DTNB: variants seen among roughly 807,000 people sequenced by gnomAD.
DTNB encodes dystrobrevin beta.
DTNB carries 63 observed loss-of-function variants against 90.7 expected under a neutral mutation model. The observed-to-expected ratio is 0.69, with a 90% confidence interval of 0.57 to 0.86. The LOEUF is 0.86. Among genes scored for constraint, DTNB ranks in the 40% least tolerant of loss-of-function variants. DTNB has a pLI of 0.00. For synonymous variants in DTNB, 277 were observed against 286.7 expected (o/e 0.97, Z 0.34); for missense variants, 744 against 807.1 (o/e 0.92, Z 0.95).
Position 25,635,254 on chromosome 2 carries a change from G to A in DTNB, c.148+3760C>T, listed in dbSNP as rs989660417. 4.6e-5 allele frequency among the ~76,000 whole-genome samples: 7 copies of A among 151,902 alleles called. No homozygotes were observed. In the South Asian group the frequency reaches 1.3e-3, roughly 27 times the overall value. On this transcript the variant is annotated intron_variant, in intron 3 of 20. Transcript: ENST00000406818. ...TCGAGACCAGCCTGGACAACATGGC[G>A]AAACTGTCTCTACTAAAAATACAAA...
chr2:25,670,414 T>C (rs1399666228), intron 1 of DTNB, among the ~76,000 whole-genome samples: 1 of 151,258 alleles, frequency 6.6e-6, no homozygotes, highest in African/African-American at 2.4e-5. Flanking sequence ...TATATATACA[T>C]GAAAATACAT....
intron 2 of DTNB, among the ~76,000 whole-genome samples, chr2:25,652,167 T>C (rs931526322): frequency 2.0e-5 from 3 of 152,216 alleles, no homozygotes; most frequent in Admixed American, 6.5e-5. Flanking sequence ...ACACATTCAC[T>C]CTTTTTAGTT....
At chr2:25,404,236 T>C (rs574009373) in intron 16 of DTNB, among the ~76,000 whole-genome samples, 114 of 152,260 alleles carry the variant, frequency 7.5e-4, no homozygotes, top group African/African-American at 2.7e-3. Context: ...CCAAACGGGA[T>C]GTAACAGGTG....
At position 25,420,520 on chromosome 2, in the gene DTNB, A is replaced by ATCTATCTGTCTG. The variant is rs869201592; in HGVS notation, c.1555-986_1555-985insCAGACAGATAGA. Among the ~76,000 whole-genome samples, 23 of 89,168 alleles carry ATCTATCTGTCTG rather than the reference A, an allele frequency of 2.6e-4. 1 individual carries two copies. The highest frequency in any genetic ancestry group is 6.8e-4 in the African/African-American group (22 of 32,312). The allele number at this position is 89,168 out of a possible 152,430, so 58.5% of individuals were successfully genotyped here. A position where few individuals can be genotyped will look rare whatever the true frequency, so the allele number is the denominator to read the frequency against. Reference sequence around the variant, plus strand: ...TATCTATCTATCTATCTATCTATCTATCTGTCTGTCTATCGACAGAGTTTC... The same window carrying ATCTATCTGTCTG: ...TATCTATCTATCTATCTATCTATCTATCTATCTGTCTGTCTGTCTGTCTATCGACAGAGTTTC... On this transcript the variant is annotated intron_variant, in intron 15 of 20. Coordinates refer to ENST00000406818, the MANE Select transcript of DTNB (RefSeq NM_021907.5).
chr2:25,639,138 A>G (rs755474485), intron 2 of DTNB, 44 bp from the exon 3 acceptor site: 3 of 1,514,908 alleles, frequency 2.0e-6, no homozygotes, highest in Admixed American at 4.0e-5. Flanking sequence ...TTTACCATTT[A>G]GTTTCCAAAC....
chr2:25,532,262 A>G (rs1267136600), intron 8 of DTNB, among the ~76,000 whole-genome samples: 5 of 152,054 alleles, frequency 3.3e-5, no homozygotes, highest in African/African-American at 9.6e-5. Context: ...AAAAAAAAAA[A>G]AAAAGAACTT....
chr2:25,513,246 G>C (rs757021532), intron 9 of DTNB, among the ~76,000 whole-genome samples: 21 of 152,176 alleles, frequency 1.4e-4, no homozygotes, highest in Non-Finnish European at 1.8e-4. Flanking sequence ...CTCAATGTCT[G>C]CATGAAATTA....
chr2:25,498,620 T>G (rs1019834816), intron 9 of DTNB, among the ~76,000 whole-genome samples: 18 of 150,872 alleles, frequency 1.2e-4, no homozygotes, highest in Non-Finnish European at 2.1e-4. Flanking sequence ...CTGAGGCGGG[T>G]GGACTGCTTG....
At chr2:25,534,510 G>C (rs1009934453) in intron 8 of DTNB, among the ~76,000 whole-genome samples, 1 of 152,048 alleles carries the variant, frequency 6.6e-6, no homozygotes, top group Non-Finnish European at 1.5e-5. Context: ...CTCAGTGGTC[G>C]CTGTCTCTTC....
At chr2:25,470,689 T>A (rs78418080) in intron 10 of DTNB, among the ~76,000 whole-genome samples, 2,021 of 152,188 alleles carry the variant, frequency 0.013, 39 homozygotes, top group African/African-American at 0.045. Context: ...AAGACAACAA[T>A]TTTGGATCAC....
intron 3 of DTNB, among the ~76,000 whole-genome samples, chr2:25,631,344 T>C (rs12619793): frequency 0.45 from 68,197 of 151,932 alleles, 16,492 homozygotes; most frequent in East Asian, 0.77. Flanking sequence ...ATCCCACTCC[T>C]GGCTTAGCTT....
intron 16 of DTNB, among the ~76,000 whole-genome samples, chr2:25,389,199 C>T (rs1340741066): frequency 5.9e-5 from 9 of 152,348 alleles, no homozygotes; most frequent in East Asian, 5.8e-4. Context: ...TGGAAAGAGA[C>T]GTTGTGTCAG....
chr2:25,383,551 C>A, intron 19 of DTNB: 1 of 521,646 alleles, frequency 1.9e-6, no homozygotes, highest in South Asian at 2.3e-5. Context: ...TCATAAACTT[C>A]TCCAGTCAAA....
intron 1 of DTNB, among the ~76,000 whole-genome samples, chr2:25,669,340 A>C (rs1236596361): frequency 6.6e-6 from 1 of 152,234 alleles, no homozygotes; most frequent in Non-Finnish European, 1.5e-5. Flanking sequence ...ATTGAAAAAA[A>C]AATTGTATCT....
chr2:25,519,626 TAC>T (rs1299364181), intron 9 of DTNB, among the ~76,000 whole-genome samples: 3 of 152,198 alleles, frequency 2.0e-5, no homozygotes, highest in Admixed American at 6.5e-5. Context: ...TCCAAAAATC[TAC>T]AGTCTGAGAT....
intron 9 of DTNB, among the ~76,000 whole-genome samples, chr2:25,512,830 A>T (rs528931701): frequency 6.6e-6 from 1 of 152,228 alleles, no homozygotes; most frequent in Non-Finnish European, 1.5e-5. Flanking sequence ...AAGGGTAGGA[A>T]GGCAGCAGGT....
chr2:25,459,743 C>G (rs1403103865), intron 10 of DTNB, among the ~76,000 whole-genome samples: 1 of 152,136 alleles, frequency 6.6e-6, no homozygotes, highest in Non-Finnish European at 1.5e-5. Context: ...ATCCACCCAC[C>G]TAGGCCTCCC....
At chr2:25,597,500 T>A (rs1379470723) in intron 5 of DTNB, among the ~76,000 whole-genome samples, 1 of 152,130 alleles carries the variant, frequency 6.6e-6, no homozygotes, top group Non-Finnish European at 1.5e-5. Flanking sequence ...TCAAAAAAAA[T>A]TTCTGAATAC....
At chr2:25,496,764 AC>A (rs1435372797) in intron 9 of DTNB, among the ~76,000 whole-genome samples, 17 of 149,590 alleles carry the variant, frequency 1.1e-4, no homozygotes, top group Admixed American at 1.0e-3. Flanking sequence ...AATCGCTTGA[AC>A]CCGGGAGGCC....
Sources: gnomAD v4.1 joint callset for allele counts (sites outside exome capture counted in the v4.1 genomes callset) on GRCh38, gnomAD v4.1.1 for gene constraint, MANE v1.5 for transcripts, NCBI Gene and HGNC (gene_info 2026-07-23, HGNC 2026-07-21) for gene names.